LRP1B: variants seen among roughly 807,000 people sequenced by gnomAD.
LRP1B encodes the protein LDL receptor related protein 1B, also known as low-density lipoprotein receptor-related protein 1B.
In LRP1B, 217 loss-of-function variants were observed where a neutral mutation model predicts 556.6. That is an observed-to-expected ratio of 0.39 (90% confidence interval 0.35 to 0.44). The LOEUF (loss-of-function observed/expected upper bound fraction) is 0.44, where lower values mean the gene tolerates loss of function less well. Ranked by LOEUF, LRP1B falls within the 20% of genes least tolerant of loss-of-function variation. The pLI is 1.00. For missense variants in LRP1B, 5,053 were observed against 5,620.8 expected, an observed-to-expected ratio of 0.90 and a Z score of 3.23; for synonymous variants, 2,047 against 1,865.8, an observed-to-expected ratio of 1.10 and a Z score of -2.50.
chr2:140,839,140 C>T (rs1692015461), intron 31 of LRP1B, among the ~76,000 whole-genome samples: 1 of 152,182 alleles, frequency 6.6e-6, no homozygotes, highest in Non-Finnish European at 1.5e-5. Flanking sequence ...AGTAGTTATA[C>T]TGCCACTGTA....
chr2:141,636,177 T>C (rs1348384391), intron 2 of LRP1B, among the ~76,000 whole-genome samples: 1 of 152,002 alleles, frequency 6.6e-6, no homozygotes, highest in Non-Finnish European at 1.5e-5. Context: ...AGAAGATACA[T>C]AAAAATAAGC....
chr2:141,519,907 A>G (rs1559118488), intron 2 of LRP1B, among the ~76,000 whole-genome samples: 1 of 152,332 alleles, frequency 6.6e-6, no homozygotes, highest in East Asian at 1.9e-4. Flanking sequence ...TTTGAGGACC[A>G]GACAGTAGCC....
At chr2:140,375,971 G>T (rs649083) in intron 68 of LRP1B, among the ~76,000 whole-genome samples, 14,540 of 151,522 alleles carry the variant, frequency 0.096, 1,234 homozygotes, top group African/African-American at 0.23. Context: ...TATTCTTAAT[G>T]TGAGAGTATT....
chr2:141,984,790 T>A (rs1191263462), intron 1 of LRP1B, among the ~76,000 whole-genome samples: 2 of 152,164 alleles, frequency 1.3e-5, no homozygotes, highest in African/African-American at 4.8e-5. Context: ...ATCCAGTATT[T>A]AATTTATGGG....
At chr2:141,918,874 G>A (rs960222354) in intron 1 of LRP1B, among the ~76,000 whole-genome samples, 3 of 152,194 alleles carry the variant, frequency 2.0e-5, no homozygotes, top group Admixed American at 1.3e-4. Context: ...GAAGTGGTTT[G>A]CTTGGGGTAC....
chr2:141,997,961 G>A (rs142323607), intron 1 of LRP1B, among the ~76,000 whole-genome samples: 24 of 152,032 alleles, frequency 1.6e-4, no homozygotes, highest in Admixed American at 5.2e-4. Context: ...CTTTTGTATC[G>A]CATTACCTGA....
chr2:141,362,033 T>C (rs1256619610), intron 3 of LRP1B, among the ~76,000 whole-genome samples: 1 of 152,202 alleles, frequency 6.6e-6, no homozygotes, highest in African/African-American at 2.4e-5. Context: ...GAATATTTAA[T>C]AGCTTCAAGA....
rs774872385 is a variant in LRP1B, at chr2:140,277,431, C to CA, written c.12968-2834dup. Among the ~76,000 whole-genome samples, 87 of 151,640 alleles carry CA rather than the reference C, an allele frequency of 5.7e-4. 2 individuals are homozygous for CA. Among genetic ancestry groups the CA allele is most frequent in the Admixed American group, 2.6e-3 (39 of 15,166 alleles). On this transcript the variant is annotated intron_variant, in intron 84 of 90. Transcript: ENST00000389484. ...TGAAACCCCCTCTCTACTAAAAATA[C>CA]AAAAAATTAGCTGGATGTGGTGGTG...
intron 3 of LRP1B, among the ~76,000 whole-genome samples, chr2:141,285,765 A>C (rs1325537313): frequency 2.1e-5 from 3 of 144,606 alleles, no homozygotes; most frequent in Admixed American, 1.4e-4. Context: ...CAAGAATAAT[A>C]ATATTTTTAA....
chr2:141,744,857 A>C (rs1693854914), intron 2 of LRP1B, among the ~76,000 whole-genome samples: 2 of 152,186 alleles, frequency 1.3e-5, no homozygotes, highest in African/African-American at 2.4e-5. Flanking sequence ...TCAGGTATTC[A>C]AAAGCACTTG....
At chr2:141,032,826 C>CATACATACATATATATATATAT in intron 11 of LRP1B, among the ~76,000 whole-genome samples, 34 of 126,636 alleles carry the variant, frequency 2.7e-4, no homozygotes, top group East Asian at 2.5e-3. Context: ...TATATACATA[C>CATACATACATATATATATATAT]ATATATATAT....
chr2:141,563,254 C>T (rs140709321), intron 2 of LRP1B, among the ~76,000 whole-genome samples: 1 of 151,968 alleles, frequency 6.6e-6, no homozygotes, highest in African/African-American at 2.4e-5. Context: ...AGATGTTCAA[C>T]ATTTTGTTAG....
intron 1 of LRP1B, among the ~76,000 whole-genome samples, chr2:141,873,926 T>A (rs1377242284): frequency 6.6e-6 from 1 of 151,902 alleles, no homozygotes; most frequent in Non-Finnish European, 1.5e-5. Context: ...GAACACTCTC[T>A]TTTAACAAGA....
chr2:141,546,612 A>G (rs758418212), intron 2 of LRP1B, among the ~76,000 whole-genome samples: 1 of 152,196 alleles, frequency 6.6e-6, no homozygotes, highest in African/African-American at 2.4e-5. Flanking sequence ...TGTGTGAGGA[A>G]TTACATATCA....
intron 5 of LRP1B, among the ~76,000 whole-genome samples, chr2:141,232,507 G>A (rs567611712): frequency 2.0e-4 from 30 of 152,268 alleles, no homozygotes; most frequent in African/African-American, 6.7e-4. Context: ...AAGAGAGGCC[G>A]GAATATAAAG....
At chr2:140,693,022 TA>T (rs2105403075) in intron 41 of LRP1B, among the ~76,000 whole-genome samples, 1 of 152,292 alleles carries the variant, frequency 6.6e-6, no homozygotes, top group South Asian at 2.1e-4. Context: ...TTAAATTCAT[TA>T]TTTTTCAATT....
At chr2:141,609,171 A>G (rs1227957950) in intron 2 of LRP1B, among the ~76,000 whole-genome samples, 2 of 152,212 alleles carry the variant, frequency 1.3e-5, no homozygotes, top group Non-Finnish European at 2.9e-5. Context: ...ATTATTTGCT[A>G]ATTTTTATGG....
intron 41 of LRP1B, among the ~76,000 whole-genome samples, chr2:140,625,009 G>T (rs1396287498): frequency 6.6e-6 from 1 of 152,126 alleles, no homozygotes; most frequent in African/African-American, 2.4e-5. Flanking sequence ...GAAAGAGAGA[G>T]CATAAGAAAA....
chr2:141,926,865 G>A (rs1700347667), intron 1 of LRP1B, among the ~76,000 whole-genome samples: 1 of 151,990 alleles, frequency 6.6e-6, no homozygotes, highest in African/African-American at 2.4e-5. Flanking sequence ...ATCCTAACAA[G>A]GTGAACTATT....
Sources: gnomAD v4.1 joint callset for allele counts (sites outside exome capture counted in the v4.1 genomes callset) on GRCh38, gnomAD v4.1.1 for gene constraint, MANE v1.5 for transcripts, NCBI Gene and HGNC (gene_info 2026-07-23, HGNC 2026-07-21) for gene names.